The following LSAMP variants were observed in gnomAD, a reference collection of about 807,000 sequenced individuals.
LSAMP encodes limbic system-associated membrane protein.
Under a neutral mutation model 38.6 loss-of-function variants are expected in LSAMP, and 7 were observed. That is an observed-to-expected ratio of 0.18 (90% CI 0.10 to 0.34). LSAMP has a LOEUF of 0.34. LSAMP is among the 10% of genes least tolerant of loss of function. The pLI is 1.00. For missense variants in LSAMP, 313 were observed against 420.0 expected (o/e 0.75, Z 2.23); for synonymous variants, 154 against 166.8 (o/e 0.92, Z 0.59).
At chr3:116,087,496 C>T (rs1364991323) in intron 1 of LSAMP, among the ~76,000 whole-genome samples, 1 of 152,144 alleles carries the variant, frequency 6.6e-6, no homozygotes, top group African/African-American at 2.4e-5. Flanking sequence ...ACAAAAAAAC[C>T]TTCTGTCTGC....
intron 1 of LSAMP, among the ~76,000 whole-genome samples, chr3:116,396,268 G>T (rs1193539277): frequency 6.6e-6 from 1 of 152,156 alleles, no homozygotes; most frequent in Non-Finnish European, 1.5e-5. Context: ...TCTAATTTGA[G>T]ACTTCCATAC....
intron 3 of LSAMP, among the ~76,000 whole-genome samples, chr3:115,932,812 C>T (rs1937602519): frequency 6.6e-6 from 1 of 152,066 alleles, no homozygotes. Flanking sequence ...CAATTGTTTT[C>T]CAATTCCTAA....
chr3:116,097,413 T>C (rs777523101), intron 1 of LSAMP, among the ~76,000 whole-genome samples: 15 of 152,218 alleles, frequency 9.9e-5, no homozygotes, highest in Non-Finnish European at 1.9e-4. Context: ...TACTTTATAG[T>C]CTTGTCATAT....
Position 115,810,237 on chromosome 3 carries a change from C to CTA in LSAMP, c.*79_*80insTA, listed in dbSNP as rs1236939813. The CTA allele has an allele frequency of 3.1e-5, 30 of 970,958 alleles. No homozygotes were observed. Among genetic ancestry groups the CTA allele is most frequent in the Non-Finnish European group, 4.2e-5 (27 of 649,486 alleles). The allele number at this position is 970,958 out of a possible 1,614,324, so 60.1% of individuals were successfully genotyped here. A position where few individuals can be genotyped will look rare whatever the true frequency, so the allele number is the denominator to read the frequency against. The stretch of plus-strand genomic sequence containing the variant: ...GTCTCCCCCATCTCTCTCTCTCTCT[C>CTA]TCTCTCTGTCTCTCTCTCTCTGTAT... On this transcript the variant is annotated 3_prime_UTR_variant, in exon 7 of 7. Coordinates refer to ENST00000490035, the MANE Select transcript of LSAMP (RefSeq NM_002338.5).
At chr3:116,093,047 C>T (rs918801701) in intron 1 of LSAMP, among the ~76,000 whole-genome samples, 7 of 152,096 alleles carry the variant, frequency 4.6e-5, no homozygotes, top group African/African-American at 7.2e-5. Flanking sequence ...TTATGTAATC[C>T]GCACCAGTTA....
At chr3:116,430,339 T>C (rs1385728051) in intron 1 of LSAMP, among the ~76,000 whole-genome samples, 4 of 152,112 alleles carry the variant, frequency 2.6e-5, no homozygotes, top group Non-Finnish European at 5.9e-5. Flanking sequence ...AGAATTCCAT[T>C]AAAAAAATCC....
At chr3:116,440,416 G>A (rs959357073) in intron 1 of LSAMP, among the ~76,000 whole-genome samples, 2 of 152,180 alleles carry the variant, frequency 1.3e-5, no homozygotes, top group African/African-American at 4.8e-5. Context: ...CAGTGGATGA[G>A]TCAGTCACCT....
chr3:115,844,010 T>C (rs1935079767), intron 4 of LSAMP, among the ~76,000 whole-genome samples: 1 of 152,194 alleles, frequency 6.6e-6, no homozygotes, highest in African/African-American at 2.4e-5. Context: ...GAACCCTGGA[T>C]TGGAAACTAG....
At chr3:116,145,239 A>G (rs913568927) in intron 1 of LSAMP, among the ~76,000 whole-genome samples, 1 of 151,684 alleles carries the variant, frequency 6.6e-6, no homozygotes, top group African/African-American at 2.4e-5. Flanking sequence ...TGAAAATTCT[A>G]TCAGGCCATT....
chr3:116,055,373 T>C (rs1001938642), intron 2 of LSAMP, among the ~76,000 whole-genome samples: 4 of 152,180 alleles, frequency 2.6e-5, no homozygotes, highest in Non-Finnish European at 4.4e-5. Context: ...TTGTGGTCAT[T>C]GCCATAACAG....
At chr3:115,928,573 G>A (rs1937526461) in intron 3 of LSAMP, among the ~76,000 whole-genome samples, 2 of 152,208 alleles carry the variant, frequency 1.3e-5, no homozygotes, top group South Asian at 2.1e-4. Flanking sequence ...CCTTTAAAAT[G>A]TTAAGTGCAT....
At chr3:115,910,583 A>G (rs887023478) in intron 3 of LSAMP, among the ~76,000 whole-genome samples, 5 of 152,182 alleles carry the variant, frequency 3.3e-5, no homozygotes, top group East Asian at 1.9e-4. Flanking sequence ...TTGCATAATC[A>G]TAAGATCAGG....
chr3:115,875,500 T>C (rs1358600604), intron 3 of LSAMP, among the ~76,000 whole-genome samples: 1 of 152,130 alleles, frequency 6.6e-6, no homozygotes, highest in Non-Finnish European at 1.5e-5. Flanking sequence ...CAAATATCAC[T>C]ATGTGCTAGG....
intron 3 of LSAMP, among the ~76,000 whole-genome samples, chr3:115,916,188 A>G (rs563461109): frequency 9.9e-5 from 15 of 152,258 alleles, no homozygotes; most frequent in Admixed American, 2.6e-4. Context: ...CTTAGGGGAT[A>G]TCTCCCACCT....
chr3:116,072,751 G>GTTTTT (rs1559731710), intron 2 of LSAMP, among the ~76,000 whole-genome samples: 2 of 118,706 alleles, frequency 1.7e-5, no homozygotes, highest in Non-Finnish European at 3.6e-5. Flanking sequence ...GGTTGTTTGT[G>GTTTTT]GTTTTTTTTT....
chr3:116,093,115 A>T (rs936211129), intron 1 of LSAMP, among the ~76,000 whole-genome samples: 35 of 152,260 alleles, frequency 2.3e-4, no homozygotes, highest in Admixed American at 1.4e-3. Context: ...GATGGGTAAG[A>T]GAAATCTATT....
intron 1 of LSAMP, among the ~76,000 whole-genome samples, chr3:116,426,605 C>G (rs1343360382): frequency 6.6e-6 from 1 of 151,776 alleles, no homozygotes; most frequent in Non-Finnish European, 1.5e-5. Context: ...ATTAAATTTA[C>G]CAAGTGTAAA....
intron 1 of LSAMP, among the ~76,000 whole-genome samples, chr3:116,273,147 T>A (rs916657405): frequency 6.6e-6 from 1 of 152,122 alleles, no homozygotes; most frequent in Non-Finnish European, 1.5e-5. Flanking sequence ...TGTGAGTTCA[T>A]GTGTGACCTA....
At chr3:116,100,989 C>T (rs1393656510) in intron 1 of LSAMP, among the ~76,000 whole-genome samples, 2 of 152,178 alleles carry the variant, frequency 1.3e-5, no homozygotes, top group East Asian at 1.9e-4. Context: ...TCAGCTTATG[C>T]TAGCATTTTA....
Sources: gnomAD v4.1 joint callset for allele counts (sites outside exome capture counted in the v4.1 genomes callset) on GRCh38, gnomAD v4.1.1 for gene constraint, MANE v1.5 for transcripts, NCBI Gene and HGNC (gene_info 2026-07-23, HGNC 2026-07-21) for gene names.